Variants in MAP3K1 observed in about 807,000 individuals in gnomAD.
MAP3K1 encodes the protein MAP/ERK kinase kinase 1.
In MAP3K1, 36 loss-of-function variants were observed where a neutral mutation model predicts 144.2. The observed-to-expected ratio is 0.25, with a 90% CI of 0.19 to 0.33. The LOEUF (loss-of-function observed/expected upper bound fraction) is 0.33. MAP3K1 is among the 10% of genes least tolerant of loss of function. MAP3K1 has a pLI of 1.00. For missense variants in MAP3K1, 1,650 were observed against 1,881.9 expected (o/e 0.88, Z 2.28); for synonymous variants, 718 against 688.7 (o/e 1.04, Z -0.67).
chr5:56,881,322 C>T (rs2111940174), intron 13 of MAP3K1, 50 bp downstream of exon 13: 2 of 1,449,344 alleles, frequency 1.4e-6, no homozygotes, highest in Non-Finnish European at 1.9e-6. Context: ...ACCCTCCCTA[C>T]ACCCTCCTCA....
chr5:56,843,986 A>G (rs1054242676), intron 1 of MAP3K1, among the ~76,000 whole-genome samples: 14 of 152,104 alleles, frequency 9.2e-5, no homozygotes, highest in African/African-American at 3.1e-4. Flanking sequence ...GCTCTGCATA[A>G]AAGGACTTCC....
At chr5:56,823,225 C>T in intron 1 of MAP3K1, among the ~76,000 whole-genome samples, 1 of 152,190 alleles carries the variant, frequency 6.6e-6, no homozygotes, top group East Asian at 1.9e-4. Flanking sequence ...TTCTCCAGGC[C>T]CATCTCAGCT....
intron 10 of MAP3K1, 93 bp from the exon 11 acceptor site, chr5:56,878,887 A>T: frequency 9.4e-7 from 1 of 1,067,146 alleles, no homozygotes. Flanking sequence ...ATTCCTGTCT[A>T]CTTATTTTGT....
chr5:56,893,200 T>C (rs1579792163), intron 19 of MAP3K1, among the ~76,000 whole-genome samples: 1 of 152,274 alleles, frequency 6.6e-6, no homozygotes. Flanking sequence ...ATCTCGGAGA[T>C]TGAATATGAG....
chr5:56,835,554 G>A (rs1218621856), intron 1 of MAP3K1, among the ~76,000 whole-genome samples: 2 of 152,022 alleles, frequency 1.3e-5, no homozygotes, highest in Non-Finnish European at 2.9e-5. Flanking sequence ...TGGGTTAATG[G>A]AGTGATGGGA....
At position 56,859,797 on chromosome 5, in the gene MAP3K1, G is replaced by A. The variant is rs375585118; in HGVS notation, c.716G>A (p.Ser239Asn). 45 of 1,614,108 alleles carry A rather than the reference G, an allele frequency of 2.8e-5. No homozygotes were observed. The South Asian group carries it at 4.6e-4, about 17-fold the overall frequency. The change falls in exon 3 of 20, where the codon AGT (serine) becomes AAT (asparagine). Residue 239 changes from serine (S) to asparagine (N), a missense_variant. Around this residue, in one of 6 missense-constraint regions of MAP3K1, gnomAD observed 148 missense variants for 177.2 expected, o/e 0.84. Coordinates refer to ENST00000399503, the MANE Select transcript of MAP3K1 (RefSeq NM_005921.2). ...AAESPGEVQA[S>N]AASPASKGRR... ...GAGTCTCCAGGAGAGGTCCAGGCAA[G>A]TGCGGCTTCACCAGCTTCCAAAGGC...
intron 1 of MAP3K1, among the ~76,000 whole-genome samples, chr5:56,832,948 T>C (rs188409438): frequency 3.9e-4 from 59 of 152,358 alleles, no homozygotes; most frequent in Non-Finnish European, 4.3e-4. Flanking sequence ...CTCAGCTCAC[T>C]GAAACCTCCA....
At position 56,882,813 on chromosome 5, in the gene MAP3K1, G is replaced by A. The variant is rs2111948612; in HGVS notation, c.3613G>A (p.Val1205Ile). Residue 1205 changes from valine (V) to isoleucine (I), a missense_variant, in exon 14 of 20, where the codon GTT becomes ATT. Physicochemically the swap from Val to Ile is conservative, Grantham distance 29 (BLOSUM62 3). This residue lies in a region of MAP3K1 where 841 missense variants were observed against 886.5 expected (regional missense o/e 0.95). Transcript: ENST00000399503. ...MSASQDALPI[V>I]PQLQVENGED... ...AGCGTCTCAGGATGCCCTCCCCATA[G>A]TTCCTCAGCTGCAGGTTGAAAATGG... 1 of 1,612,690 alleles carries A rather than the reference G, an allele frequency of 6.2e-7. No individual in the cohort carries two copies. The highest frequency in any genetic ancestry group is 8.5e-7 in the Non-Finnish European group (1 of 1,179,664).
intron 17 of MAP3K1, 75 bp downstream of exon 17, chr5:56,886,138 T>A (rs2111958929): frequency 8.3e-7 from 1 of 1,201,714 alleles, no homozygotes; most frequent in Non-Finnish European, 1.2e-6. Flanking sequence ...GCACAGTGGC[T>A]CACACCTGTA....
At chr5:56,882,905 G>A (rs751519886) in intron 14 of MAP3K1, 39 bp downstream of exon 14, 45 of 1,513,786 alleles carry the variant, frequency 3.0e-5, no homozygotes, top group Non-Finnish European at 3.8e-5. Context: ...AAACTTCCTT[G>A]GGGCTGGGCA....
At chr5:56,874,805 C>G (rs1747970716) in intron 9 of MAP3K1, among the ~76,000 whole-genome samples, 1 of 152,128 alleles carries the variant, frequency 6.6e-6, no homozygotes. Flanking sequence ...TTAATTTTAC[C>G]TGAGCTAATA....
intron 19 of MAP3K1, among the ~76,000 whole-genome samples, chr5:56,888,700 G>GTCA (rs1160375343): frequency 1.3e-5 from 2 of 152,198 alleles, no homozygotes; most frequent in Non-Finnish European, 2.9e-5. Flanking sequence ...GGACTGTGTT[G>GTCA]TCAGATGATT....
chr5:56,859,662 T>C, intron 2 of MAP3K1, 53 bp from the exon 3 acceptor site: 5 of 1,326,040 alleles, frequency 3.8e-6, no homozygotes, highest in South Asian at 3.7e-5. Flanking sequence ...TATTTACATT[T>C]ACTTACCTTT....
At chr5:56,829,072 C>G (rs191984529) in intron 1 of MAP3K1, among the ~76,000 whole-genome samples, 1 of 152,174 alleles carries the variant, frequency 6.6e-6, no homozygotes, top group East Asian at 1.9e-4. Context: ...TTATGACTTT[C>G]AAATAGACTT....
chr5:56,875,623 C>G (rs1748000689), intron 10 of MAP3K1, among the ~76,000 whole-genome samples: 1 of 152,070 alleles, frequency 6.6e-6, no homozygotes, highest in African/African-American at 2.4e-5. Context: ...CAGTAAAGCT[C>G]CTTCCTCATC....
intron 1 of MAP3K1, among the ~76,000 whole-genome samples, chr5:56,840,875 T>TG: frequency 6.6e-6 from 1 of 152,076 alleles, no homozygotes; most frequent in East Asian, 1.9e-4. Context: ...TTAAGGTTTT[T>TG]TTTTTTTTTT....
At chr5:56,827,671 C>CA (rs1746360055) in intron 1 of MAP3K1, among the ~76,000 whole-genome samples, 1 of 152,092 alleles carries the variant, frequency 6.6e-6, no homozygotes, top group African/African-American at 2.4e-5. Flanking sequence ...CGAGACCAGC[C>CA]AGGCCAACAT....
At chr5:56,820,841 C>T (rs1746132826) in intron 1 of MAP3K1, 1 of 973,126 alleles carries the variant, frequency 1.0e-6, no homozygotes, top group South Asian at 4.8e-5. Flanking sequence ...GAACATGTTT[C>T]ACAATACCGT....
rs1478914246 is a variant in MAP3K1 at position 56,884,801 on chromosome 5, C to T, written c.3957C>T (p.Tyr1319=). The change falls in exon 16 of 20, where the codon TAC becomes TAT. Residue 1319 remains tyrosine, a synonymous_variant. Coordinates refer to ENST00000399503, the MANE Select transcript of MAP3K1 (RefSeq NM_005921.2). ...MLGATCEKSN[Y]NLFIEWMAGG... is the part of the protein sequence containing the mutation. ...GAGCCACGTGTGAGAAGAGCAATTA[C>T]AATCTCTTCATTGAATGGATGGCAG... 17 of 1,613,464 alleles carry T rather than the reference C, an allele frequency of 1.1e-5. No individual in the cohort carries two copies. The highest frequency in any genetic ancestry group is 4.5e-5 in the East Asian group (2 of 44,812).
Sources: allele counts gnomAD v4.1 joint callset (sites outside exome capture counted in the v4.1 genomes callset), GRCh38; gene constraint gnomAD v4.1.1; regional missense constraint gnomAD v4.1.1; transcripts MANE v1.5; gene names NCBI Gene and HGNC (gene_info 2026-07-23, HGNC 2026-07-21).